The following VIT variants were observed in gnomAD, a reference collection of about 807,000 sequenced individuals.
VIT encodes the protein vitrin.
VIT carries 99 observed loss-of-function variants against 78.0 expected under a neutral mutation model. The observed-to-expected ratio is 1.27, with a 90% confidence interval of 1.08 to 1.50. The LOEUF is 1.50. Among genes scored for constraint, VIT ranks in the 40% most tolerant of loss-of-function variants. The pLI is 0.00. For missense variants in VIT, 1,126 were observed against 875.3 expected, an observed-to-expected ratio of 1.29 and a Z score of -3.61; for synonymous variants, 374 against 334.3, an observed-to-expected ratio of 1.12 and a Z score of -1.29.
intron 1 of VIT, among the ~76,000 whole-genome samples, chr2:36,710,637 TG>T (rs1423782896): frequency 1.3e-5 from 2 of 152,290 alleles, no homozygotes; most frequent in East Asian, 3.9e-4. Context: ...TGTAATGATA[TG>T]AATGTAAAAT....
chr2:36,724,907 C>A (rs1193257202), intron 2 of VIT, among the ~76,000 whole-genome samples: 1 of 152,192 alleles, frequency 6.6e-6, no homozygotes, highest in East Asian at 1.9e-4. Flanking sequence ...TCTCCTTGCT[C>A]ATTTTCTTTC....
intron 15 of VIT, among the ~76,000 whole-genome samples, chr2:36,809,878 C>T (rs895936468): frequency 6.6e-6 from 1 of 151,772 alleles, no homozygotes; most frequent in Non-Finnish European, 1.5e-5. Flanking sequence ...ATTATCCCAG[C>T]TACTCGGCAG....
chr2:36,769,977 A>G (rs1453248406), intron 7 of VIT, among the ~76,000 whole-genome samples: 1 of 152,208 alleles, frequency 6.6e-6, no homozygotes, highest in Non-Finnish European at 1.5e-5. Flanking sequence ...TTTTCCTTCA[A>G]ATGGGCTGAA....
intron 1 of VIT, among the ~76,000 whole-genome samples, chr2:36,712,487 A>G (rs1665864776): frequency 6.6e-6 from 1 of 152,222 alleles, no homozygotes; most frequent in Non-Finnish European, 1.5e-5. Context: ...AAGTATCAAC[A>G]CTGCTTTATT....
Position 36,805,439 on chromosome 2 carries a change from T to C in VIT, c.1164T>C (p.Gly388=), listed in dbSNP as rs761482553. The change falls in exon 14 of 16, where the codon GGT becomes GGC. Residue 388 remains glycine (G), a splice_region_variant and synonymous_variant. Transcript: ENST00000379242. ...ITQRGGLSNV[G]RAISFVTKNF... is the part of the protein sequence containing the mutation. The stretch of plus-strand genomic sequence containing the variant: ...GCATGAATTTTCTTTTTCTTCCAGG[T>C]CGGGCCATCTCCTTTGTGACCAAGA... The C allele has an allele frequency of 1.2e-6, 2 of 1,602,350 alleles. No individual in the cohort carries two copies. Among genetic ancestry groups the C allele is most frequent in the Non-Finnish European group, 1.7e-6 (2 of 1,174,736 alleles).
intron 3 of VIT, among the ~76,000 whole-genome samples, chr2:36,735,024 C>T (rs995595069): frequency 3.3e-5 from 5 of 152,014 alleles, no homozygotes; most frequent in Non-Finnish European, 4.4e-5. Context: ...ATTTGCCGGG[C>T]GTGGTGGCAG....
chr2:36,791,433 T>A (rs985867886), intron 12 of VIT, among the ~76,000 whole-genome samples: 6 of 152,158 alleles, frequency 3.9e-5, no homozygotes, highest in African/African-American at 1.4e-4. Flanking sequence ...AATGTCCAAA[T>A]CCCTGGAAAC....
At chr2:36,709,188 G>A (rs1665647115) in intron 1 of VIT, among the ~76,000 whole-genome samples, 1 of 152,032 alleles carries the variant, frequency 6.6e-6, no homozygotes, top group Non-Finnish European at 1.5e-5. Context: ...GTCAACTCAG[G>A]TCAATTAAAT....
intron 8 of VIT, 39 bp from the exon 9 acceptor site, chr2:36,774,963 G>C (rs1437692702): frequency 6.2e-7 from 1 of 1,608,312 alleles, no homozygotes; most frequent in East Asian, 2.2e-5. Context: ...CAGCCTGCTG[G>C]TTGTGTGTAA....
intron 12 of VIT, among the ~76,000 whole-genome samples, chr2:36,787,593 C>T (rs369838447): frequency 6.6e-6 from 1 of 152,194 alleles, no homozygotes; most frequent in Non-Finnish European, 1.5e-5. Context: ...GCTCTGTGGC[C>T]TTGGGCTAGG....
In VIT at chr2:36,716,311, C is replaced by T. The variant is rs1362566790; in HGVS notation, c.-18-42C>T. 8 of 1,565,804 alleles carry T rather than the reference C, an allele frequency of 5.1e-6. No individual in the cohort carries two copies. The Admixed American group carries it at 1.3e-4, about 26-fold the overall frequency. On this transcript the variant is annotated intron_variant, in intron 1 of 15. Transcript: ENST00000379242. ...CACTCTGTGCATCCAAATCAGAACC[C>T]CCGGCTGAAATATGATGACGTTATT...
At chr2:36,713,177 T>C (rs1458758924) in intron 1 of VIT, among the ~76,000 whole-genome samples, 1 of 152,194 alleles carries the variant, frequency 6.6e-6, no homozygotes, top group Non-Finnish European at 1.5e-5. Context: ...TGATTTTAAA[T>C]TGGATAACTA....
chr2:36,721,143 G>A lies in VIT; in HGVS notation c.52+4721G>A, dbSNP rs531834625. Among the ~76,000 whole-genome samples the A allele has an allele frequency of 1.3e-4, 20 of 152,250 alleles. No individual in the cohort carries two copies. In the South Asian group the frequency reaches 3.1e-3, roughly 24 times the overall value. On this transcript the variant is annotated intron_variant, in intron 2 of 15. Coordinates refer to ENST00000379242, the MANE Select transcript of VIT (RefSeq NM_053276.4). ...TTTGCTAAGAGAGTAGAGTTAAAAT[G>A]TACTCACCACACACATAAAAATTGT...
chr2:36,709,682 T>A (rs939669559), intron 1 of VIT, among the ~76,000 whole-genome samples: 44 of 152,100 alleles, frequency 2.9e-4, no homozygotes, highest in African/African-American at 1.0e-3. Context: ...TGAGGGTTGG[T>A]AAAGCAGTCC....
chr2:36,781,751 G>T lies in VIT; in HGVS notation c.827G>T (p.Gly276Val). ...GGAGAGATGGACTCATGGAAACCTG[G>T]ATCGGTCCTTTTAGATGAAGGTAAT... is the stretch of plus-strand genomic sequence containing the variant. Reference protein sequence around the residue: ...SLGEMDSWKPGSVLLDEGLVP... With the variant: ...SLGEMDSWKPVSVLLDEGLVP... The change falls in exon 10 of 16, where the codon GGA becomes GTA. Residue 276 changes from glycine to valine, a missense_variant. Gly to Val is a moderately radical substitution (Grantham distance 109). Coordinates refer to ENST00000379242, the MANE Select transcript of VIT (RefSeq NM_053276.4). 1 of 1,614,098 alleles carries T rather than the reference G, an allele frequency of 6.2e-7. No individual in the cohort carries two copies. The highest frequency in any genetic ancestry group is 8.5e-7 in the Non-Finnish European group (1 of 1,180,014).
At chr2:36,744,898 T>C (rs999033113) in intron 4 of VIT, among the ~76,000 whole-genome samples, 1 of 152,202 alleles carries the variant, frequency 6.6e-6, no homozygotes, top group Non-Finnish European at 1.5e-5. Context: ...CCAAGACCAA[T>C]GTCGAGAAGG....
chr2:36,793,972 A>G (rs1289765305), intron 12 of VIT, among the ~76,000 whole-genome samples: 4 of 152,192 alleles, frequency 2.6e-5, no homozygotes, highest in Non-Finnish European at 1.5e-5. Context: ...TCTTTCAAGG[A>G]GAGGAATGGT....
chr2:36,700,804 GT>G (rs1665006500), intron 1 of VIT, among the ~76,000 whole-genome samples: 1 of 152,036 alleles, frequency 6.6e-6, no homozygotes, highest in African/African-American at 2.4e-5. Flanking sequence ...GCCACCCACT[GT>G]TCAAGCCCTT....
At chr2:36,800,235 C>T (rs965148730) in intron 12 of VIT, among the ~76,000 whole-genome samples, 1 of 152,064 alleles carries the variant, frequency 6.6e-6, no homozygotes, top group Non-Finnish European at 1.5e-5. Flanking sequence ...ATCCCAGCTA[C>T]TCGGGAGGTT....
Sources: allele counts gnomAD v4.1 joint callset (sites outside exome capture counted in the v4.1 genomes callset), GRCh38; gene constraint gnomAD v4.1.1; transcripts MANE v1.5; gene names NCBI Gene and HGNC (gene_info 2026-07-23, HGNC 2026-07-21).